Variants in MSI2 observed in about 807,000 individuals in gnomAD.
The protein encoded by MSI2 is musashi RNA binding protein 2.
MSI2 carries 17 observed loss-of-function variants against 45.6 expected under a neutral mutation model. That is an observed-to-expected ratio of 0.37 (90% confidence interval 0.26 to 0.56). The LOEUF (loss-of-function observed/expected upper bound fraction) is 0.56. Among genes scored for constraint, MSI2 ranks in the 20% least tolerant of loss-of-function variants. MSI2 has a pLI of 0.77. For synonymous variants in MSI2, 156 were observed against 158.2 expected (o/e 0.99, Z 0.11); for missense variants, 293 against 444.2 (o/e 0.66, Z 3.06).
chr17:57,693,596 A>T, the MSI2 span, among the ~76,000 whole-genome samples: 1 of 152,332 alleles, frequency 6.6e-6, no homozygotes, highest in Admixed American at 6.5e-5. Context: ...AAAACTCTAC[A>T]TCTATTCATG....
At chr17:57,631,349 C>A in intron 10 of MSI2, 1 of 156,902 alleles carries the variant, frequency 6.4e-6, no homozygotes, top group Non-Finnish European at 1.4e-5. Flanking sequence ...TCCTTTCCAC[C>A]TGGACTTACC....
intron 7 of MSI2, among the ~76,000 whole-genome samples, chr17:57,550,437 G>A (rs371045956): frequency 8.5e-5 from 13 of 152,138 alleles, no homozygotes; most frequent in African/African-American, 2.9e-4. Flanking sequence ...AAATAATGCT[G>A]GCTTCAGCTA....
At chr17:57,496,086 G>C (rs1287077561) in intron 6 of MSI2, among the ~76,000 whole-genome samples, 1 of 152,178 alleles carries the variant, frequency 6.6e-6, no homozygotes, top group Non-Finnish European at 1.5e-5. Flanking sequence ...TTACAAAGGT[G>C]GAATTATCAC....
chr17:57,676,480 A>G (rs1913244552), intron 12 of MSI2, among the ~76,000 whole-genome samples: 1 of 152,220 alleles, frequency 6.6e-6, no homozygotes, highest in Non-Finnish European at 1.5e-5. Context: ...ATCACCACTT[A>G]TAACACAACT....
At chr17:57,329,030 G>T (rs1413902305) in intron 5 of MSI2, among the ~76,000 whole-genome samples, 1 of 150,074 alleles carries the variant, frequency 6.7e-6, no homozygotes, top group South Asian at 2.1e-4. Flanking sequence ...GGAGGCGGAG[G>T]TTGCAGTGAG....
chr17:57,474,613 C>T (rs971972833), intron 6 of MSI2, among the ~76,000 whole-genome samples: 4 of 152,316 alleles, frequency 2.6e-5, no homozygotes, highest in East Asian at 1.9e-4. Context: ...AGAATCACTA[C>T]CTGAAACCTA....
chr17:57,661,105 C>T lies in MSI2; in HGVS notation c.790+8944C>T, dbSNP rs1911957743. On this transcript the variant is annotated intron_variant, in intron 11 of 13. Coordinates refer to ENST00000284073, the MANE Select transcript of MSI2 (RefSeq NM_138962.4). ...ATATAGCTGCTCAAGAAGCAGTAGG[C>T]CTTTTGCTCTTATCCATAAGACGAT... Among the ~76,000 whole-genome samples the T allele has an allele frequency of 2.0e-5, 3 of 152,308 alleles. No homozygotes were observed. The South Asian group carries it at 6.2e-4, about 32-fold the overall frequency.
At chr17:57,324,222 T>A (rs1419869047) in intron 5 of MSI2, among the ~76,000 whole-genome samples, 1 of 152,162 alleles carries the variant, frequency 6.6e-6, no homozygotes, top group African/African-American at 2.4e-5. Flanking sequence ...CGGGAGAGTC[T>A]CTGAGCAGCA....
intron 7 of MSI2, among the ~76,000 whole-genome samples, chr17:57,592,081 A>G (rs552056608): frequency 1.0e-3 from 159 of 151,804 alleles, no homozygotes; most frequent in African/African-American, 3.8e-3. Flanking sequence ...CTGAGGCAGG[A>G]GAATCGCATG....
intron 4 of MSI2, among the ~76,000 whole-genome samples, chr17:57,258,927 G>A (rs1392076332): frequency 6.8e-6 from 1 of 146,504 alleles, no homozygotes; most frequent in Non-Finnish European, 1.5e-5. Flanking sequence ...AGGCTGATAA[G>A]GCCTGGGGGT....
At chr17:57,283,998 C>T (rs904218379) in intron 5 of MSI2, among the ~76,000 whole-genome samples, 4 of 152,196 alleles carry the variant, frequency 2.6e-5, no homozygotes, top group African/African-American at 9.7e-5. Context: ...CTAGTGCCAA[C>T]ACAAATAGTC....
chr17:57,575,153 C>CT (rs202205537), intron 7 of MSI2, among the ~76,000 whole-genome samples: 2 of 138,546 alleles, frequency 1.4e-5, no homozygotes, highest in Non-Finnish European at 3.1e-5. Context: ...TAACTCCCTC[C>CT]CCCCGCCACC....
At chr17:57,530,041 A>C (rs2086789370) in intron 7 of MSI2, among the ~76,000 whole-genome samples, 1 of 152,222 alleles carries the variant, frequency 6.6e-6, no homozygotes, top group South Asian at 2.1e-4. Flanking sequence ...TAAGCGATCC[A>C]AGTGGAAATT....
chr17:57,320,231 G>A (rs541344527), intron 5 of MSI2, among the ~76,000 whole-genome samples: 21 of 152,308 alleles, frequency 1.4e-4, no homozygotes, highest in African/African-American at 5.1e-4. Context: ...ATACTTGCTT[G>A]GAGTGTCTCT....
chr17:57,533,096 C>T (rs1281127067), intron 7 of MSI2, among the ~76,000 whole-genome samples: 1 of 152,210 alleles, frequency 6.6e-6, no homozygotes, highest in African/African-American at 2.4e-5. Context: ...GGCAGAATTT[C>T]CACTCCTTGA....
chr17:57,392,409 C>G (rs2083811554), intron 5 of MSI2, among the ~76,000 whole-genome samples: 1 of 152,328 alleles, frequency 6.6e-6, no homozygotes, highest in African/African-American at 2.4e-5. Flanking sequence ...ACAAGATCAC[C>G]TTCTCCTGTA....
chr17:57,388,571 G>A (rs1414504199), intron 5 of MSI2, among the ~76,000 whole-genome samples: 1 of 152,198 alleles, frequency 6.6e-6, no homozygotes, highest in East Asian at 1.9e-4. Flanking sequence ...CTTGCTCCTG[G>A]TTCATGCCTT....
Position 57,256,684 on chromosome 17 carries a change from C to A in MSI2, c.-59C>A. ...TCGGGGCTCGGAGCCGGCCGCCGCT[C>A]CGCTCCGATCGCTGTGGGGCTTGGT... On this transcript the variant is annotated 5_prime_UTR_variant, in exon 1 of 14. Transcript: ENST00000284073. The A allele has an allele frequency of 4.8e-6, 4 of 832,368 alleles. No homozygotes were observed. The South Asian group carries it at 7.4e-5, about 15-fold the overall frequency. 51.6% of individuals were successfully genotyped at this position (832,368 alleles called of 1,614,324 possible).
At chr17:57,383,141 G>C in intron 5 of MSI2, among the ~76,000 whole-genome samples, 1 of 152,226 alleles carries the variant, frequency 6.6e-6, no homozygotes, top group Admixed American at 6.5e-5. Flanking sequence ...GGCTGGACAG[G>C]AAATGAGTTG....
Sources: gnomAD v4.1 joint callset for allele counts (sites outside exome capture counted in the v4.1 genomes callset) on GRCh38, gnomAD v4.1.1 for gene constraint, MANE v1.5 for transcripts, NCBI Gene and HGNC (gene_info 2026-07-23, HGNC 2026-07-21) for gene names.